Variants in LGSN observed in about 807,000 individuals in gnomAD.
The protein encoded by LGSN is lengsin, lens protein with glutamine synthetase domain.
LGSN carries 21 observed loss-of-function variants against 19.5 expected under a neutral mutation model. That is an observed-to-expected ratio of 1.07 (90% confidence interval 0.76 to 1.55). The LOEUF is 1.55. Among genes scored for constraint, LGSN ranks in the 40% most tolerant of loss-of-function variants. LGSN has a pLI of 0.00. For missense variants in LGSN, 673 were observed against 608.5 expected (o/e 1.11, Z -1.12); for synonymous variants, 257 against 215.6 (o/e 1.19, Z -1.68).
chr6:63,436,045 C>T, the LGSN span, among the ~76,000 whole-genome samples: 9 of 151,952 alleles, frequency 5.9e-5, no homozygotes, highest in Non-Finnish European at 1.0e-4. Flanking sequence ...GAACATTTTC[C>T]TCCAAAACCC....
the LGSN span, chr6:63,571,458 T>C: frequency 2.6e-5 from 4 of 152,204 alleles, no homozygotes; most frequent in East Asian, 5.8e-4. Context: ...GAGGTGCCCT[T>C]GTATGGCACA....
the LGSN span, among the ~76,000 whole-genome samples, chr6:63,352,505 AC>A: frequency 6.6e-6 from 1 of 152,086 alleles, no homozygotes; most frequent in African/African-American, 2.4e-5. Context: ...TACAAAAAAT[AC>A]GAAAATTCAC....
chr6:63,439,759 T>G, the LGSN span, among the ~76,000 whole-genome samples: 2 of 152,172 alleles, frequency 1.3e-5, no homozygotes, highest in Non-Finnish European at 2.9e-5. Context: ...GTAGAAAAGC[T>G]CTCCCTTTAA....
chr6:63,528,569 A>G, the LGSN span, among the ~76,000 whole-genome samples: 8 of 152,092 alleles, frequency 5.3e-5, no homozygotes, highest in African/African-American at 1.4e-4. Flanking sequence ...TACAAAAAAT[A>G]TAACAAAACA....
chr6:63,544,408 C>G, the LGSN span, among the ~76,000 whole-genome samples: 1 of 151,956 alleles, frequency 6.6e-6, no homozygotes, highest in African/African-American at 2.4e-5. Context: ...GTCCTAAAAC[C>G]CCAGGGTCCA....
the LGSN span, among the ~76,000 whole-genome samples, chr6:63,468,913 T>G: frequency 2.6e-5 from 4 of 152,110 alleles, no homozygotes; most frequent in Non-Finnish European, 4.4e-5. Context: ...AATGCCTGGC[T>G]AATTTTTGTA....
the LGSN span, among the ~76,000 whole-genome samples, chr6:63,489,472 A>T: frequency 6.6e-6 from 1 of 151,680 alleles, no homozygotes; most frequent in Non-Finnish European, 1.5e-5. Context: ...AGGCTCAAGC[A>T]ATTCTCATGC....
chr6:63,541,802 G>A, the LGSN span, among the ~76,000 whole-genome samples: 1 of 152,008 alleles, frequency 6.6e-6, no homozygotes, highest in Non-Finnish European at 1.5e-5. Flanking sequence ...CCTTCTGAAA[G>A]CCAACCTCCT....
At chr6:63,483,477 T>G in the LGSN span, among the ~76,000 whole-genome samples, 1 of 152,062 alleles carries the variant, frequency 6.6e-6, no homozygotes, top group South Asian at 2.1e-4. Context: ...GCAATTCTCC[T>G]GCCTCAGCCT....
At chr6:63,457,921 G>T in the LGSN span, among the ~76,000 whole-genome samples, 2 of 151,982 alleles carry the variant, frequency 1.3e-5, no homozygotes, top group Non-Finnish European at 2.9e-5. Context: ...ATTCAAATCA[G>T]ATTTAACTAA....
the LGSN span, among the ~76,000 whole-genome samples, chr6:63,352,671 A>T: frequency 3.3e-5 from 5 of 150,416 alleles, no homozygotes; most frequent in East Asian, 1.9e-4. Context: ...TCTCTCTCTC[A>T]CACACACACA....
the LGSN span, among the ~76,000 whole-genome samples, chr6:63,352,014 G>C: frequency 6.6e-6 from 1 of 152,158 alleles, no homozygotes; most frequent in Admixed American, 6.6e-5. Context: ...TGGTACTTAA[G>C]AGTAAGTAAC....
At chr6:63,443,287 G>A in the LGSN span, among the ~76,000 whole-genome samples, 2 of 152,314 alleles carry the variant, frequency 1.3e-5, no homozygotes, top group East Asian at 1.9e-4. Context: ...GCTGGCCCGC[G>A]AGCACGCAGC....
the LGSN span, among the ~76,000 whole-genome samples, chr6:63,473,662 T>C: frequency 1.3e-5 from 2 of 151,522 alleles, no homozygotes; most frequent in East Asian, 3.9e-4. Flanking sequence ...ACGAAACAGA[T>C]GAATAATCCT....
chr6:63,520,776 G>A, the LGSN span, among the ~76,000 whole-genome samples: 3 of 152,082 alleles, frequency 2.0e-5, no homozygotes, highest in Non-Finnish European at 2.9e-5. Flanking sequence ...TAGTGTCAGA[G>A]TTACTGTTCT....
chr6:63,276,763 T>A lies in LGSN; in HGVS notation c.*3258A>T, dbSNP rs1473418491. On this transcript the variant is annotated 3_prime_UTR_variant, in exon 4 of 4. Coordinates refer to ENST00000370657, the MANE Select transcript of LGSN (RefSeq NM_016571.3). ...TAGCACACAAATGGTGCTCAATAAGTGCTGCTGAATGAATGTCTGACCCTC... is the reference window on the plus strand; with the variant it reads ...TAGCACACAAATGGTGCTCAATAAGAGCTGCTGAATGAATGTCTGACCCTC... 1 of 152,214 alleles carries A rather than the reference T, an allele frequency of 6.6e-6. No individual in the cohort carries two copies. The highest frequency in any genetic ancestry group is 6.5e-5 in the Admixed American group (1 of 15,282). The allele number at this position is 152,214 out of a possible 1,614,324, so 9.4% of individuals were successfully genotyped here. A position where few individuals can be genotyped will look rare whatever the true frequency, so the allele number is the denominator to read the frequency against.
intron 1 of LGSN, among the ~76,000 whole-genome samples, chr6:63,316,262 T>C (rs1768849528): frequency 6.6e-6 from 1 of 152,124 alleles, no homozygotes; most frequent in African/African-American, 2.4e-5. Context: ...GAGCTCTGTG[T>C]GAAAGAAGTA....
the LGSN span, among the ~76,000 whole-genome samples, chr6:63,505,567 A>AAAGAAAG: frequency 1.8e-3 from 58 of 32,408 alleles, 4 homozygotes; most frequent in Admixed American, 0.022. Flanking sequence ...AAAAAAAAAA[A>AAAGAAAG]AGAAAGAAAG....
At chr6:63,393,012 G>A in the LGSN span, among the ~76,000 whole-genome samples, 453 of 144,488 alleles carry the variant, frequency 3.1e-3, 2 homozygotes, top group African/African-American at 0.011. Context: ...TCAGCCTCCC[G>A]AGTAGCTGGG....
Sources: gnomAD v4.1 joint callset for allele counts (sites outside exome capture counted in the v4.1 genomes callset) on GRCh38, gnomAD v4.1.1 for gene constraint, MANE v1.5 for transcripts, NCBI Gene and HGNC (gene_info 2026-07-23, HGNC 2026-07-21) for gene names.